ZNF385D: variants seen among roughly 807,000 people sequenced by gnomAD.
ZNF385D encodes the protein zinc finger protein 385D.
In ZNF385D, 15 loss-of-function variants were observed where a neutral mutation model predicts 35.8. That is an observed-to-expected ratio of 0.42 (90% confidence interval 0.28 to 0.64). The LOEUF is 0.64. Ranked by LOEUF, ZNF385D falls within the 30% of genes least tolerant of loss-of-function variation. The probability of loss-of-function intolerance (pLI) is 0.23; values close to 1 mark genes in which losing one functional copy is unlikely to be tolerated. For missense variants in ZNF385D, 474 were observed against 494.6 expected (o/e 0.96, Z 0.39); for synonymous variants, 212 against 186.8 (o/e 1.13, Z -1.10).
At chr3:22,030,747 G>T (rs1697951049) in intron 3 of ZNF385D, among the ~76,000 whole-genome samples, 1 of 152,072 alleles carries the variant, frequency 6.6e-6, no homozygotes, top group Non-Finnish European at 1.5e-5. Flanking sequence ...AACCAGTTAT[G>T]CCTTCCCAAC....
chr3:22,068,075 A>G (rs1700046771), intron 3 of ZNF385D, among the ~76,000 whole-genome samples: 1 of 152,234 alleles, frequency 6.6e-6, no homozygotes, highest in African/African-American at 2.4e-5. Flanking sequence ...TGGCTTTTGA[A>G]ATTGAAATAG....
chr3:22,189,062 T>C (rs1214183164), intron 2 of ZNF385D, among the ~76,000 whole-genome samples: 2 of 152,260 alleles, frequency 1.3e-5, no homozygotes, highest in Admixed American at 6.5e-5. Flanking sequence ...TCATTAGGTG[T>C]ACAATCCATT....
intron 2 of ZNF385D, among the ~76,000 whole-genome samples, chr3:22,175,869 G>A (rs1254703299): frequency 6.7e-6 from 1 of 149,264 alleles, no homozygotes; most frequent in East Asian, 1.9e-4. Context: ...CAAGACTAAT[G>A]TAGAAAAATT....
At chr3:21,936,137 G>C (rs1235416965) in intron 3 of ZNF385D, among the ~76,000 whole-genome samples, 2 of 152,066 alleles carry the variant, frequency 1.3e-5, no homozygotes, top group Non-Finnish European at 2.9e-5. Context: ...AAGATAAGAA[G>C]ATAGATCTAA....
At chr3:21,606,209 C>A (rs777831993) in intron 2 of ZNF385D, among the ~76,000 whole-genome samples, 1 of 152,100 alleles carries the variant, frequency 6.6e-6, no homozygotes, top group African/African-American at 2.4e-5. Flanking sequence ...CTGTCCCACA[C>A]AGCCCTTGCT....
At chr3:21,822,987 G>T (rs1694370254) in intron 3 of ZNF385D, among the ~76,000 whole-genome samples, 1 of 151,856 alleles carries the variant, frequency 6.6e-6, no homozygotes, top group Non-Finnish European at 1.5e-5. Flanking sequence ...CCTGATGGGG[G>T]GACAAGAACA....
chr3:21,645,272 GATAAA>G (rs1362940003), intron 2 of ZNF385D, among the ~76,000 whole-genome samples: 3 of 152,160 alleles, frequency 2.0e-5, no homozygotes, highest in African/African-American at 4.8e-5. Context: ...TAGAGTCACT[GATAAA>G]ATAAACAGTT....
intron 4 of ZNF385D, among the ~76,000 whole-genome samples, chr3:21,467,870 G>T (rs1324546306): frequency 6.6e-6 from 1 of 152,088 alleles, no homozygotes; most frequent in Non-Finnish European, 1.5e-5. Context: ...TGGAATGAGG[G>T]TATTGACCAC....
At chr3:22,065,218 G>A (rs774302717) in intron 3 of ZNF385D, among the ~76,000 whole-genome samples, 11 of 152,116 alleles carry the variant, frequency 7.2e-5, no homozygotes, top group East Asian at 1.9e-4. Context: ...TGCTCTCCTC[G>A]TAGGACTGGG....
chr3:21,580,558 G>A (rs559204197), intron 2 of ZNF385D, among the ~76,000 whole-genome samples: 3 of 151,996 alleles, frequency 2.0e-5, no homozygotes, highest in Admixed American at 2.0e-4. Flanking sequence ...TTGCTTTACT[G>A]CCTATTTTTT....
At chr3:21,979,390 A>T (rs1694275227) in intron 3 of ZNF385D, among the ~76,000 whole-genome samples, 1 of 152,192 alleles carries the variant, frequency 6.6e-6, no homozygotes, top group Non-Finnish European at 1.5e-5. Context: ...CATAAGAAAA[A>T]CTGAGGTGTG....
At chr3:21,796,694 G>A (rs897501128) in intron 3 of ZNF385D, among the ~76,000 whole-genome samples, 2 of 152,162 alleles carry the variant, frequency 1.3e-5, no homozygotes, top group Admixed American at 1.3e-4. Flanking sequence ...ACATCTACAT[G>A]ACATTTGGGT....
intron 3 of ZNF385D, among the ~76,000 whole-genome samples, chr3:21,544,154 C>T (rs1474723484): frequency 6.6e-6 from 1 of 152,082 alleles, no homozygotes; most frequent in East Asian, 1.9e-4. Flanking sequence ...AAAAACAGCC[C>T]TAAAGACTTA....
In ZNF385D at chr3:22,364,256, A is replaced by C. The variant is rs557627303; in HGVS notation, c.106+8194T>G. 2.0e-5 allele frequency among the ~76,000 whole-genome samples: 3 copies of C among 152,224 alleles called. No homozygotes were observed. In the South Asian group the frequency reaches 6.2e-4, roughly 32 times the overall value. The stretch of plus-strand genomic sequence containing the variant: ...CTTGCAACAATGACAAAAAATAGAC[A>C]AATAGGACTTTATGAAAATTTTAAA... On this transcript the variant is annotated intron_variant, in intron 2 of 5. Transcript: ENST00000494108.
At chr3:21,887,893 T>C (rs563822684) in intron 3 of ZNF385D, among the ~76,000 whole-genome samples, 2 of 152,288 alleles carry the variant, frequency 1.3e-5, no homozygotes, top group East Asian at 3.9e-4. Flanking sequence ...TGTTTCTGAA[T>C]TGTAACAGAA....
intron 3 of ZNF385D, among the ~76,000 whole-genome samples, chr3:21,875,882 C>G (rs1697938183): frequency 6.6e-6 from 1 of 152,032 alleles, no homozygotes; most frequent in South Asian, 2.1e-4. Flanking sequence ...TTTCCTACAT[C>G]CATAGAATAA....
chr3:21,629,318 A>T (rs1446334974), intron 2 of ZNF385D, among the ~76,000 whole-genome samples: 1 of 152,172 alleles, frequency 6.6e-6, no homozygotes, highest in Non-Finnish European at 1.5e-5. Context: ...GTTGGGGCCT[A>T]CAGAAGCTGA....
At chr3:21,691,593 T>C (rs980298250) in intron 1 of ZNF385D, among the ~76,000 whole-genome samples, 4 of 152,218 alleles carry the variant, frequency 2.6e-5, no homozygotes, top group East Asian at 3.9e-4. Flanking sequence ...TCTTTTTTCT[T>C]TGCTCACACA....
At position 21,645,417 on chromosome 3, in the gene ZNF385D, T is replaced by C. The variant is rs113785219; in HGVS notation, c.165+19469A>G. 5.5e-3 allele frequency among the ~76,000 whole-genome samples: 839 copies of C among 152,278 alleles called. 7 individuals are homozygous for C. Among genetic ancestry groups the C allele is most frequent in the African/African-American group, 0.017 (727 of 41,556 alleles). ...CACATTTGCAGACACTAGTTTAAGC[T>C]ACTGACTCCTTTAGTCTTGAACTCT... On this transcript the variant is annotated intron_variant, in intron 2 of 7. Coordinates refer to ENST00000281523, the MANE Select transcript of ZNF385D (RefSeq NM_024697.3).
Sources: allele counts gnomAD v4.1 joint callset (sites outside exome capture counted in the v4.1 genomes callset), GRCh38; gene constraint gnomAD v4.1.1; transcripts MANE v1.5; gene names NCBI Gene and HGNC (gene_info 2026-07-23, HGNC 2026-07-21).